DIS3L2: variants seen among roughly 807,000 people sequenced by gnomAD.
The protein encoded by DIS3L2 is DIS3 like 3'-5' exoribonuclease 2.
DIS3L2 carries 34 observed loss-of-function variants against 97.5 expected under a neutral mutation model. The ratio of observed to expected loss-of-function variants is 0.35; its 90% CI spans 0.27 to 0.46. DIS3L2 has a LOEUF of 0.46. DIS3L2 is among the 20% of genes least tolerant of loss of function. DIS3L2 has a pLI of 1.00. For synonymous variants in DIS3L2, 435 were observed against 445.2 expected (o/e 0.98, Z 0.29); for missense variants, 1,038 against 1,146.0 (o/e 0.91, Z 1.36).
chr2:232,153,981 C>T (rs969170283), intron 8 of DIS3L2, among the ~76,000 whole-genome samples: 1 of 146,596 alleles, frequency 6.8e-6, no homozygotes, highest in African/African-American at 2.5e-5. Context: ...ACCCTTTCTT[C>T]CAGTTGATCG....
At chr2:232,023,683 C>G (rs1053039112) in intron 3 of DIS3L2, among the ~76,000 whole-genome samples, 27 of 152,160 alleles carry the variant, frequency 1.8e-4, no homozygotes, top group Admixed American at 1.2e-3. Flanking sequence ...ACTGGGTGGC[C>G]TGGCTGTTGG....
chr2:232,315,003 C>G (rs1311153374), intron 14 of DIS3L2, among the ~76,000 whole-genome samples: 6 of 152,236 alleles, frequency 3.9e-5, no homozygotes, highest in African/African-American at 1.4e-4. Context: ...CACAGGTTTG[C>G]ATCCCCAGGG....
intron 13 of DIS3L2, among the ~76,000 whole-genome samples, chr2:232,273,877 A>C (rs11693645): frequency 0.015 from 2,228 of 152,280 alleles, 21 homozygotes; most frequent in Non-Finnish European, 0.022. Context: ...TAGTCCCTAG[A>C]CCCATGATGG....
chr2:232,186,296 A>T (rs1461602831), intron 9 of DIS3L2, among the ~76,000 whole-genome samples: 1 of 152,212 alleles, frequency 6.6e-6, no homozygotes, highest in African/African-American at 2.4e-5. Flanking sequence ...TCAAGAAGTT[A>T]ATAATTCAAC....
intron 6 of DIS3L2, among the ~76,000 whole-genome samples, chr2:232,096,190 C>T (rs1443576946): frequency 6.6e-6 from 1 of 151,578 alleles, no homozygotes; most frequent in Non-Finnish European, 1.5e-5. Flanking sequence ...GGGTTCATGC[C>T]ATTCTCCTGC....
rs1319626585 is a variant in DIS3L2, at chr2:232,136,730, T to C, written c.950+11T>C. ...CAATTTTGCCCTGGGGTAGGTGATCTCTGGTAGGAAAAACCACAGGTCACA... is the reference window on the plus strand; with the variant it reads ...CAATTTTGCCCTGGGGTAGGTGATCCCTGGTAGGAAAAACCACAGGTCACA... On this transcript the variant is annotated intron_variant, in intron 8 of 20. Transcript: ENST00000325385. 6.2e-7 allele frequency: 1 copy of C among 1,611,508 alleles called. No homozygotes were observed. Among genetic ancestry groups the C allele is most frequent in the East Asian group, 2.2e-5 (1 of 44,806 alleles).
chr2:232,111,648 C>T (rs1697537172), intron 6 of DIS3L2, among the ~76,000 whole-genome samples: 2 of 152,096 alleles, frequency 1.3e-5, no homozygotes, highest in South Asian at 2.1e-4. Context: ...ATTTTTAAAT[C>T]GTATTTAATT....
intron 5 of DIS3L2, among the ~76,000 whole-genome samples, chr2:232,079,766 C>G (rs1182722117): frequency 6.6e-6 from 1 of 152,132 alleles, no homozygotes; most frequent in Non-Finnish European, 1.5e-5. Context: ...AGGGCAGGCC[C>G]TATGAATAGC....
At chr2:232,334,541 C>T (rs750008218) in intron 18 of DIS3L2, 42 bp downstream of exon 18, 2 of 1,610,534 alleles carry the variant, frequency 1.2e-6, no homozygotes, top group Non-Finnish European at 1.7e-6. Flanking sequence ...CCTCTGGCTC[C>T]CGACCCTCCT....
At chr2:232,329,785 T>TACCCGGGG in intron 14 of DIS3L2, 28 bp from the exon 15 acceptor site, 1 of 967,132 alleles carries the variant, frequency 1.0e-6, no homozygotes, top group Non-Finnish European at 1.5e-6. Flanking sequence ...ACCCCAGCGG[T>TACCCGGGG]CCCTCCCATC....
At chr2:232,323,885 G>A (rs558138929) in intron 14 of DIS3L2, among the ~76,000 whole-genome samples, 36 of 151,878 alleles carry the variant, frequency 2.4e-4, no homozygotes, top group Admixed American at 1.1e-3. Flanking sequence ...CTCTGCCTGC[G>A]GCTCCCTTTC....
intron 6 of DIS3L2, among the ~76,000 whole-genome samples, chr2:232,101,752 C>G (rs1207433401): frequency 1.3e-5 from 2 of 152,222 alleles, no homozygotes; most frequent in African/African-American, 4.8e-5. Flanking sequence ...AGCATTGCTG[C>G]TGTAGAATCA....
intron 8 of DIS3L2, among the ~76,000 whole-genome samples, chr2:232,160,973 A>G (rs932996108): frequency 6.6e-6 from 1 of 152,188 alleles, no homozygotes; most frequent in Non-Finnish European, 1.5e-5. Context: ...GCTGGAGTAC[A>G]GTGGCGTGAT....
intron 10 of DIS3L2, among the ~76,000 whole-genome samples, chr2:232,224,493 G>C (rs868194192): frequency 2.0e-5 from 3 of 152,218 alleles, no homozygotes; most frequent in Middle Eastern, 3.4e-3. Flanking sequence ...GGAAAAGACT[G>C]ATAAATTAGA....
In DIS3L2 at chr2:232,199,455, A is replaced by T. The variant is rs568382499; in HGVS notation, c.1125-10871A>T. 6.6e-5 allele frequency among the ~76,000 whole-genome samples: 10 copies of T among 152,216 alleles called. No individual in the cohort carries two copies. In the East Asian group the frequency reaches 1.7e-3, roughly 26 times the overall value. On this transcript the variant is annotated intron_variant, in intron 9 of 20. Coordinates refer to ENST00000325385, the MANE Select transcript of DIS3L2 (RefSeq NM_152383.5). ...AGTGAACTCTTCCTCTCACCTCCCC[A>T]TCCCAGCTTTCAAGATGTGGGTTTA...
Position 232,170,859 on chromosome 2 carries a change from A to AT in DIS3L2, c.1124+7227_1124+7228insT, listed in dbSNP as rs1349837027. Among the ~76,000 whole-genome samples, 3 of 152,312 alleles carry AT rather than the reference A, an allele frequency of 2.0e-5. No individual in the cohort carries two copies. The South Asian group carries it at 6.2e-4, about 32-fold the overall frequency. ...CAGAAATTTCCTGTCACTCCAGGTA[A>AT]AACCAACCTTGAAATAGCAACTTGA... is the stretch of plus-strand genomic sequence containing the variant. On this transcript the variant is annotated intron_variant, in intron 9 of 20. Transcript: ENST00000325385.
chr2:232,226,103 G>A (rs989543892), intron 10 of DIS3L2, among the ~76,000 whole-genome samples: 2 of 152,212 alleles, frequency 1.3e-5, no homozygotes, highest in African/African-American at 4.8e-5. Context: ...TATTGTAGTT[G>A]TGGTTGCACA....
intron 9 of DIS3L2, among the ~76,000 whole-genome samples, chr2:232,176,572 A>G (rs1691161924): frequency 6.7e-6 from 1 of 150,176 alleles, no homozygotes; most frequent in East Asian, 2.0e-4. Flanking sequence ...TATTGAGTTC[A>G]GATCTTTCTA....
intron 12 of DIS3L2, among the ~76,000 whole-genome samples, chr2:232,254,577 A>C (rs1019503094): frequency 1.3e-5 from 2 of 152,218 alleles, no homozygotes; most frequent in Non-Finnish European, 2.9e-5. Context: ...AGCCCATAGA[A>C]GAAAGCTAAC....
Sources: gnomAD v4.1 joint callset for allele counts (sites outside exome capture counted in the v4.1 genomes callset) on GRCh38, gnomAD v4.1.1 for gene constraint, MANE v1.5 for transcripts, NCBI Gene and HGNC (gene_info 2026-07-23, HGNC 2026-07-21) for gene names.